The following GLB1L3 variants were observed in gnomAD, a reference collection of about 807,000 sequenced individuals.
The protein encoded by GLB1L3 is galactosidase beta 1 like 3, also known as beta-galactosidase-1-like protein 3.
Under a neutral mutation model 89.5 loss-of-function variants are expected in GLB1L3, and 89 were observed. The ratio of observed to expected loss-of-function variants is 0.99; its 90% CI spans 0.84 to 1.19. The LOEUF is 1.19. GLB1L3 is among the 50% of genes most tolerant of loss of function. GLB1L3 has a pLI of 0.00. For synonymous variants in GLB1L3, 314 were observed against 312.3 expected (o/e 1.01, Z -0.06); for missense variants, 812 against 813.3 (o/e 1.00, Z 0.02).
intron 15 of GLB1L3, 116 bp downstream of exon 15, chr11:134,313,003 C>T (rs1361192671): frequency 2.5e-6 from 2 of 799,944 alleles, no homozygotes; most frequent in Non-Finnish European, 2.1e-6. Flanking sequence ...TGCTGCTCAC[C>T]TGGGGCGGCG....
intron 6 of GLB1L3, 46 bp downstream of exon 6, chr11:134,283,891 G>T: frequency 8.9e-7 from 1 of 1,123,156 alleles, no homozygotes; most frequent in Non-Finnish European, 1.3e-6. Context: ...GCCCTTTAGG[G>T]AAAGAGTTTG....
In GLB1L3 at chr11:134,318,860, CTTTCT is replaced by C. The variant is rs766521529; in HGVS notation, c.1897-10_1897-6del. On this transcript the variant is annotated splice_polypyrimidine_tract_variant and intron_variant, in intron 19 of 19. Transcript: ENST00000431683. ...AGGCTTCACCTTTCCCACTGTCAACCTTTCTTTTCTTCTCAGGTCATCTTGTTTGA... is the reference window on the plus strand; with the variant it reads ...AGGCTTCACCTTTCCCACTGTCAACCTTTCTTCTCAGGTCATCTTGTTTGA... 3 of 1,610,662 alleles carry C rather than the reference CTTTCT, an allele frequency of 1.9e-6. No homozygotes were observed. The highest frequency in any genetic ancestry group is 1.3e-5 in the African/African-American group (1 of 74,904).
At chr11:134,287,585 A>G (rs535955203) in intron 6 of GLB1L3, among the ~76,000 whole-genome samples, 1 of 152,338 alleles carries the variant, frequency 6.6e-6, no homozygotes, top group East Asian at 1.9e-4. Context: ...GAGAACTGAT[A>G]CTGTTCAATA....
chr11:134,307,112 G>A lies in GLB1L3; in HGVS notation c.877-12G>A, dbSNP rs1056479662. On this transcript the variant is annotated splice_polypyrimidine_tract_variant and intron_variant, in intron 9 of 19. Coordinates refer to ENST00000431683, the MANE Select transcript of GLB1L3 (RefSeq NM_001080407.3). The stretch of plus-strand genomic sequence containing the variant: ...TTTGCCAGACTTAGTATTTGCTTTG[G>A]TTTGTTTTTAGAGAGATAAGCCCCT... 1 of 1,607,504 alleles carries A rather than the reference G, an allele frequency of 6.2e-7. No homozygotes were observed. The highest frequency in any genetic ancestry group is 1.3e-5 in the African/African-American group (1 of 74,632).
chr11:134,310,577 A>G lies in GLB1L3; in HGVS notation c.1106A>G (p.Asp369Gly). 1.2e-6 allele frequency: 2 copies of G among 1,612,436 alleles called. 1 individual carries two copies. The highest frequency in any genetic ancestry group is 1.7e-6 in the Non-Finnish European group (2 of 1,179,022). ...HSGIVTSYDY[D>G]AVLTEAGDYT... is the part of the protein sequence containing the mutation. ...TGGCCCTGGTGTCTTGCAGACTATG[A>G]TGCAGTGCTCACGGAGGCTGGAGAT... The change falls in exon 12 of 20, where the codon GAT (aspartate) becomes GGT (glycine). Residue 369 changes from aspartate to glycine, a missense_variant. Asp to Gly is a moderately conservative substitution (Grantham distance 94). This residue lies in a region of GLB1L3 where 618 missense variants were observed against 604.0 expected (regional missense o/e 1.02). Transcript: ENST00000431683.
At chr11:134,281,027 A>G (rs1307434564) in intron 3 of GLB1L3, among the ~76,000 whole-genome samples, 1 of 152,220 alleles carries the variant, frequency 6.6e-6, no homozygotes, top group African/African-American at 2.4e-5. Flanking sequence ...TGACTAACTC[A>G]TAGCAAAAAT....
chr11:134,314,840 CT>C (rs1418261862), intron 18 of GLB1L3, among the ~76,000 whole-genome samples: 1 of 151,940 alleles, frequency 6.6e-6, no homozygotes, highest in Non-Finnish European at 1.5e-5. Flanking sequence ...TGAAGCTTGC[CT>C]TTTTTTTCTG....
At chr11:134,320,559 A>T (rs1758947508), downstream of GLB1L3, among the ~76,000 whole-genome samples, 1 of 152,194 alleles carries the variant, frequency 6.6e-6, no homozygotes, top group Non-Finnish European at 1.5e-5. Flanking sequence ...ATTTGAAATC[A>T]TGTCTCTCTG....
At chr11:134,303,974 C>G (rs1025776005) in intron 9 of GLB1L3, among the ~76,000 whole-genome samples, 1 of 152,030 alleles carries the variant, frequency 6.6e-6, no homozygotes, top group Admixed American at 6.5e-5. Context: ...TTCTTTTCTC[C>G]TTTATTACTA....
At chr11:134,324,426 C>T (rs1271693809), downstream of GLB1L3, among the ~76,000 whole-genome samples, 1 of 152,132 alleles carries the variant, frequency 6.6e-6, no homozygotes, top group African/African-American at 2.4e-5. Flanking sequence ...CTAAAAATAC[C>T]AGCATATAGC....
intron 9 of GLB1L3, among the ~76,000 whole-genome samples, chr11:134,297,276 A>T (rs1323369058): frequency 6.6e-6 from 1 of 152,200 alleles, no homozygotes; most frequent in Non-Finnish European, 1.5e-5. Context: ...TGTATTTAAA[A>T]TGGATTTCTT....
chr11:134,289,030 G>T (rs970229750), intron 7 of GLB1L3, 140 bp downstream of exon 7: 1 of 595,418 alleles, frequency 1.7e-6, no homozygotes, highest in Non-Finnish European at 2.9e-6. Flanking sequence ...GTGCGGAGGG[G>T]TGCCGGCCCA....
chr11:134,308,632 CA>C, intron 10 of GLB1L3, among the ~76,000 whole-genome samples: 1 of 140,038 alleles, frequency 7.1e-6, no homozygotes, highest in African/African-American at 2.5e-5. Context: ...CCACCATCAC[CA>C]TCAACACCAT....
intron 9 of GLB1L3, among the ~76,000 whole-genome samples, chr11:134,297,043 G>GA (rs1941692136): frequency 4.6e-5 from 7 of 151,904 alleles, no homozygotes; most frequent in Admixed American, 4.6e-4. Context: ...ATCATAGATT[G>GA]TTTATTTTTC....
intron 11 of GLB1L3, 45 bp from the exon 12 acceptor site, chr11:134,310,526 C>G (rs778428508): frequency 2.0e-6 from 3 of 1,494,016 alleles, no homozygotes; most frequent in African/African-American, 2.8e-5. Context: ...AACAGGGCCT[C>G]CTGCAGAGAC....
downstream of GLB1L3, among the ~76,000 whole-genome samples, chr11:134,320,929 C>T (rs944686194): frequency 6.7e-6 from 1 of 148,174 alleles, no homozygotes; most frequent in East Asian, 1.9e-4. Context: ...GAGACGTTAA[C>T]TCATTACATA....
chr11:134,292,142 G>A lies in GLB1L3; in HGVS notation c.740G>A (p.Arg247Lys), dbSNP rs1941394760. Residue 247 changes from arginine to lysine, a missense_variant, in exon 8 of 20, where the codon AGA becomes AAA. Around this residue, in one of 3 missense-constraint regions of GLB1L3, gnomAD observed 618 missense variants for 604.0 expected, o/e 1.02. Coordinates refer to ENST00000431683, the MANE Select transcript of GLB1L3 (RefSeq NM_001080407.3). The part of the protein sequence containing the change: ...YMPYLHKALL[R>K]RGIVELLLTS... ...TAATTTTCTCAACAGGCCCTGCTGA[G>A]AAGAGGGATTGTGGAGCTTCTCTTG... 1 of 1,613,400 alleles carries A rather than the reference G, an allele frequency of 6.2e-7. No homozygotes were observed. Among genetic ancestry groups the A allele is most frequent in the South Asian group, 1.1e-5 (1 of 91,024 alleles).
At chr11:134,279,364 C>CTTTTTTTTTTTTTTTTTTTTTT (rs10577769) in intron 3 of GLB1L3, among the ~76,000 whole-genome samples, 3 of 108,340 alleles carry the variant, frequency 2.8e-5, no homozygotes, top group Non-Finnish European at 3.7e-5. Flanking sequence ...TTTTCTTTTT[C>CTTTTTTTTTTTTTTTTTTTTTT]TTTTTTTTTT....
intron 9 of GLB1L3, among the ~76,000 whole-genome samples, chr11:134,305,778 A>G (rs1417827357): frequency 6.6e-6 from 1 of 152,198 alleles, no homozygotes; most frequent in Non-Finnish European, 1.5e-5. Flanking sequence ...ATTATACCTG[A>G]ACAAGAGTGG....
Sources: allele counts gnomAD v4.1 joint callset (sites outside exome capture counted in the v4.1 genomes callset), GRCh38; gene constraint gnomAD v4.1.1; regional missense constraint gnomAD v4.1.1; transcripts MANE v1.5; gene names NCBI Gene and HGNC (gene_info 2026-07-23, HGNC 2026-07-21).